The following PCDHAC1 variants were observed in gnomAD, a reference collection of about 807,000 sequenced individuals.
PCDHAC1 encodes protocadherin alpha-C1.
In PCDHAC1, 42 loss-of-function variants were observed where a neutral mutation model predicts 60.0. The ratio of observed to expected loss-of-function variants is 0.70; its 90% CI spans 0.55 to 0.90. PCDHAC1 has a LOEUF of 0.90. Ranked by LOEUF, PCDHAC1 falls within the 40% of genes least tolerant of loss-of-function variation. The pLI is 0.00. For synonymous variants in PCDHAC1, 468 were observed against 499.3 expected, an observed-to-expected ratio of 0.94 and a Z score of 0.84; for missense variants, 1,160 against 1,222.3, an observed-to-expected ratio of 0.95 and a Z score of 0.76.
Position 141,010,026 on chromosome 5 carries a change from T to C in PCDHAC1, c.*89T>C. On this transcript the variant is annotated 3_prime_UTR_variant, in exon 4 of 4. Transcript: ENST00000253807. ...AGCAATTCCCTGCTCCTTTTTCCTA[T>C]CTACATGAGCCCTCTTAGAGACCTC... 1 of 1,574,670 alleles carries C rather than the reference T, an allele frequency of 6.4e-7. No homozygotes were observed. The highest frequency in any genetic ancestry group is 8.6e-7 in the Non-Finnish European group (1 of 1,164,154).
rs1563353899 is a variant in PCDHAC1, at chr5:140,966,713, G to A, written c.2434-12236G>A. The A allele has an allele frequency of 4.3e-6, 6 of 1,392,826 alleles. No individual in the cohort carries two copies. The African/African-American group carries it at 9.1e-5, about 21-fold the overall frequency. 86.3% of individuals were successfully genotyped at this position (1,392,826 alleles called of 1,614,324 possible). ...CGGGGCCCGGGCGTGGGGCACGGCTGGGGAAGCTGCCGCCTCCGGCCCTGC... is the reference window on the plus strand; with the variant it reads ...CGGGGCCCGGGCGTGGGGCACGGCTAGGGAAGCTGCCGCCTCCGGCCCTGC... On this transcript the variant is annotated intron_variant, in intron 1 of 3. Transcript: ENST00000253807.
At chr5:140,945,371 A>G (rs926668947) in intron 1 of PCDHAC1, among the ~76,000 whole-genome samples, 2 of 152,104 alleles carry the variant, frequency 1.3e-5, no homozygotes, top group African/African-American at 4.8e-5. Context: ...AAATGTCCAT[A>G]TTACCCAAAG....
In PCDHAC1 at chr5:140,993,861, T is replaced by G. The variant is rs143253452; in HGVS notation, c.2581+11298T>G. 3.2e-4 allele frequency among the ~76,000 whole-genome samples: 49 copies of G among 152,356 alleles called. No homozygotes were observed. In the East Asian group the frequency reaches 9.4e-3, roughly 29 times the overall value. On this transcript the variant is annotated intron_variant, in intron 3 of 3. Transcript: ENST00000253807. ...TAGGTATGTAGTAGGCTATGCCATC[T>G]AGGTTTGTGTAAGTACGCTCTATGA... is the stretch of plus-strand genomic sequence containing the variant.
chr5:140,966,382 G>A, intron 1 of PCDHAC1: 1 of 403,884 alleles, frequency 2.5e-6, no homozygotes, highest in Non-Finnish European at 4.3e-6. Context: ...GTCCGGGTTC[G>A]CTGTCCGCCA....
At chr5:140,982,434 T>A in intron 2 of PCDHAC1, 41 bp from the exon 3 acceptor site, 1 of 1,613,270 alleles carries the variant, frequency 6.2e-7, no homozygotes, top group Non-Finnish European at 8.5e-7. Flanking sequence ...TGGGAAAGAA[T>A]TTATGATCTA....
At chr5:141,003,502 G>C (rs1384211644) in intron 3 of PCDHAC1, among the ~76,000 whole-genome samples, 3 of 151,992 alleles carry the variant, frequency 2.0e-5, no homozygotes, top group African/African-American at 2.4e-5. Context: ...TAGTAGAGAT[G>C]GGGTTTCACC....
chr5:140,957,763 T>C (rs1375605810), intron 1 of PCDHAC1, among the ~76,000 whole-genome samples: 1 of 152,100 alleles, frequency 6.6e-6, no homozygotes, highest in Non-Finnish European at 1.5e-5. Context: ...TCATTATATA[T>C]GTTAAGTAAA....
At chr5:140,958,442 T>C (rs1554223476) in intron 1 of PCDHAC1, among the ~76,000 whole-genome samples, 1 of 152,178 alleles carries the variant, frequency 6.6e-6, no homozygotes, top group Non-Finnish European at 1.5e-5. Flanking sequence ...AATTTAAAAA[T>C]ACCTTTTATT....
At chr5:140,970,252 T>G (rs2096392828) in intron 1 of PCDHAC1, among the ~76,000 whole-genome samples, 1 of 152,234 alleles carries the variant, frequency 6.6e-6, no homozygotes, top group South Asian at 2.1e-4. Flanking sequence ...GTTGACAGTT[T>G]CTATGGTTTT....
intron 1 of PCDHAC1, among the ~76,000 whole-genome samples, chr5:140,975,318 C>T (rs1554236746): frequency 6.6e-6 from 1 of 152,198 alleles, no homozygotes; most frequent in Admixed American, 6.5e-5. Flanking sequence ...TTATGTCAGT[C>T]CCATCCAGAT....
chr5:141,002,189 C>T (rs1277871243), intron 3 of PCDHAC1, among the ~76,000 whole-genome samples: 4 of 152,220 alleles, frequency 2.6e-5, no homozygotes, highest in African/African-American at 9.6e-5. Flanking sequence ...TGCTGTCTGG[C>T]AAGATAGTCC....
chr5:140,967,727 G>A, intron 1 of PCDHAC1: 1 of 1,614,148 alleles, frequency 6.2e-7, no homozygotes. Context: ...GCGAGTAATT[G>A]GGGGGCTGGA....
chr5:140,972,583 T>G (rs1445659828), intron 1 of PCDHAC1, among the ~76,000 whole-genome samples: 1 of 152,088 alleles, frequency 6.6e-6, no homozygotes, highest in African/African-American at 2.4e-5. Flanking sequence ...TAGGGCAGAA[T>G]TTCTCTTTGG....
chr5:140,968,209 C>G (rs781795931), intron 1 of PCDHAC1: 5 of 1,614,002 alleles, frequency 3.1e-6, no homozygotes, highest in Non-Finnish European at 4.2e-6. Context: ...TACAGGAGAA[C>G]AATTTGCCAG....
chr5:140,979,329 C>T (rs782808442), intron 2 of PCDHAC1, among the ~76,000 whole-genome samples: 3 of 152,162 alleles, frequency 2.0e-5, no homozygotes, highest in Non-Finnish European at 2.9e-5. Flanking sequence ...TTCTTTTCCT[C>T]CTTTAAAAAC....
chr5:140,997,781 C>G (rs1207024588), intron 3 of PCDHAC1, among the ~76,000 whole-genome samples: 1 of 151,626 alleles, frequency 6.6e-6, no homozygotes, highest in Non-Finnish European at 1.5e-5. Context: ...TGTTGTATAC[C>G]TATATTATAA....
rs1273187123 is a variant in PCDHAC1 at position 140,927,933 on chromosome 5, C to G, written c.1041C>G (p.Asn347Lys). The G allele has an allele frequency of 1.2e-6, 2 of 1,614,208 alleles. No homozygotes were observed. Among genetic ancestry groups the G allele is most frequent in the East Asian group, 4.5e-5 (2 of 44,882 alleles). Reference sequence around the variant, plus strand: ...AACTGGACTTCCTGACTCTTTCGAACCCAGTACCTGAGGACGCTGCCCCTG... The same window carrying G: ...AACTGGACTTCCTGACTCTTTCGAAGCCAGTACCTGAGGACGCTGCCCCTG... The part of the protein sequence containing the change: ...APELDFLTLS[N>K]PVPEDAAPGT... Residue 347 changes from asparagine to lysine, a missense_variant, in exon 1 of 4, where the codon AAC becomes AAG. Asn to Lys is a moderately conservative substitution (Grantham distance 94, BLOSUM62 0). Coordinates refer to ENST00000253807, the MANE Select transcript of PCDHAC1 (RefSeq NM_018898.5).
rs376607115 is a variant in PCDHAC1 at position 141,006,474 on chromosome 5, A to G, written c.2582-3153A>G. Among the ~76,000 whole-genome samples, 193 of 152,188 alleles carry G rather than the reference A, an allele frequency of 1.3e-3. 1 individual carries two copies. The highest frequency in any genetic ancestry group is 4.5e-3 in the African/African-American group (185 of 41,520). ...GAGATCTGCCTGTCTCGGCCTCCCA[A>G]AGTGCTGGGATTACATGTGTGAGCC... On this transcript the variant is annotated intron_variant, in intron 3 of 3. Transcript: ENST00000253807.
chr5:141,010,201 C>A lies in PCDHAC1; in HGVS notation c.*264C>A, dbSNP rs782495760. On this transcript the variant is annotated 3_prime_UTR_variant, in exon 4 of 4. Transcript: ENST00000253807. ...GCAGACCCAAGTTTCCTTTCTCCTC[C>A]GCCGCAAAGGAGAGGCTTCCCAGCC... 5.0e-5 allele frequency: 77 copies of A among 1,551,916 alleles called. No individual in the cohort carries two copies. The highest frequency in any genetic ancestry group is 6.1e-5 in the Non-Finnish European group (70 of 1,147,084).
Sources: gnomAD v4.1 joint callset for allele counts (sites outside exome capture counted in the v4.1 genomes callset) on GRCh38, gnomAD v4.1.1 for gene constraint, MANE v1.5 for transcripts, NCBI Gene and HGNC (gene_info 2026-07-23, HGNC 2026-07-21) for gene names.